The following CREBBP variants were observed in gnomAD, a reference collection of about 807,000 sequenced individuals.
CREBBP encodes the protein CREB binding lysine acetyltransferase.
CREBBP carries 19 observed loss-of-function variants against 265.0 expected under a neutral mutation model. The observed-to-expected ratio is 0.07, with a 90% CI of 0.05 to 0.11. CREBBP has a LOEUF of 0.11. CREBBP is among the 10% of genes least tolerant of loss of function. The pLI, the probability that CREBBP is intolerant of heterozygous loss-of-function variation, is 1.00. For synonymous variants in CREBBP, 1,457 were observed against 1,223.7 expected (o/e 1.19, Z -3.98); for missense variants, 2,525 against 3,219.0 (o/e 0.78, Z 5.22).
At position 3,794,265 on chromosome 16, in the gene CREBBP, G is replaced by A. The variant is rs139542638; in HGVS notation, c.976-639C>T. 0.011 allele frequency among the ~76,000 whole-genome samples: 1,641 copies of A among 145,850 alleles called. 54 individuals are homozygous for A. In the East Asian group the frequency reaches 0.12, roughly 11 times the overall value. ...GAGAATGGTGTGAACCCGGGAGGCGGAGCTTGCAGTGAGCTGAGATGGCGC... is the reference window on the plus strand; with the variant it reads ...GAGAATGGTGTGAACCCGGGAGGCGAAGCTTGCAGTGAGCTGAGATGGCGC... On this transcript the variant is annotated intron_variant, in intron 3 of 30. Transcript: ENST00000262367.
chr16:3,740,647 A>G, intron 23 of CREBBP, 98 bp from the exon 24 acceptor site: 5 of 1,384,162 alleles, frequency 3.6e-6, no homozygotes, highest in South Asian at 1.2e-5. Context: ...GCACAGGCTG[A>G]TATTTTAAAG....
chr16:3,757,448 A>C, intron 18 of CREBBP, 72 bp from the exon 19 acceptor site: 1 of 1,171,984 alleles, frequency 8.5e-7, no homozygotes. Context: ...GTTCTAGTCT[A>C]CTATAGAGAC....
Position 3,827,100 on chromosome 16 carries a change from C to T in CREBBP, c.799-16321G>A, listed in dbSNP as rs556794371. On this transcript the variant is annotated intron_variant, in intron 2 of 30. Transcript: ENST00000262367. ...AACCCAGGAATTCAAGGCTGTAGTACACTATAATTGAGCCTGTGAACGGCC... is the reference window on the plus strand; with the variant it reads ...AACCCAGGAATTCAAGGCTGTAGTATACTATAATTGAGCCTGTGAACGGCC... Among the ~76,000 whole-genome samples, 12 of 151,640 alleles carry T rather than the reference C, an allele frequency of 7.9e-5. No individual in the cohort carries two copies. In the East Asian group the frequency reaches 2.3e-3, roughly 29 times the overall value.
intron 2 of CREBBP, among the ~76,000 whole-genome samples, chr16:3,825,588 T>C (rs757973104): frequency 1.3e-5 from 2 of 151,632 alleles, no homozygotes; most frequent in Non-Finnish European, 2.9e-5. Flanking sequence ...AGTCCTCTTC[T>C]GACAAAAAAA....
intron 15 of CREBBP, 62 bp from the exon 16 acceptor site, chr16:3,767,971 A>G (rs2141184579): frequency 6.7e-7 from 1 of 1,502,300 alleles, no homozygotes; most frequent in Non-Finnish European, 9.2e-7. Context: ...CCGCAACCTC[A>G]CGGGAAGACT....
intron 1 of CREBBP, among the ~76,000 whole-genome samples, chr16:3,871,507 T>C (rs1281674857): frequency 2.0e-5 from 3 of 152,248 alleles, no homozygotes; most frequent in Non-Finnish European, 4.4e-5. Context: ...AAGCAAACCC[T>C]AATTACCTGA....
rs1488125552 is a variant in CREBBP at position 3,729,894 on chromosome 16, AC to A, written c.5173-21del. On this transcript the variant is annotated intron_variant, in intron 30 of 30. Coordinates refer to ENST00000262367, the MANE Select transcript of CREBBP (RefSeq NM_004380.3). Reference sequence around the variant, plus strand: ...GTAGTCCTGCAAGCAAGGAAAGGGGACAGGCCGGTGTCAGCATGGGACCCAG... The same window carrying A: ...GTAGTCCTGCAAGCAAGGAAAGGGGAAGGCCGGTGTCAGCATGGGACCCAG... The A allele has an allele frequency of 2.5e-6, 4 of 1,599,394 alleles. No individual in the cohort carries two copies. In the African/African-American group the frequency reaches 5.3e-5, roughly 21 times the overall value.
At chr16:3,789,309 G>C (rs975770930) in intron 5 of CREBBP, among the ~76,000 whole-genome samples, 22 of 152,216 alleles carry the variant, frequency 1.4e-4, no homozygotes, top group African/African-American at 4.8e-4. Context: ...CCCCAGTCCA[G>C]TCAAATGCAT....
At chr16:3,836,798 A>G (rs771280720) in intron 2 of CREBBP, among the ~76,000 whole-genome samples, 90 of 152,336 alleles carry the variant, frequency 5.9e-4, no homozygotes, top group Non-Finnish European at 1.2e-3. Context: ...TCAGTAAACT[A>G]CAGACCTCAT....
Position 3,728,645 on chromosome 16 carries a change from G to GTGCATGCCAGGCTGGGGT in CREBBP, c.6384_6401dup (p.Gln2128_Met2133dup), listed in dbSNP as rs772003652. 8 of 1,613,632 alleles carry GTGCATGCCAGGCTGGGGT rather than the reference G, an allele frequency of 5.0e-6. No homozygotes were observed. In the Admixed American group the frequency reaches 5.0e-5, roughly 10 times the overall value. ...TCAGGTTCTGCAGGCTGGGCTGCTGGTGCATGCCAGGCTGGGGTTGCATGC... is the reference window on the plus strand; with the variant it reads ...TCAGGTTCTGCAGGCTGGGCTGCTGGTGCATGCCAGGCTGGGGTTGCATGCCAGGCTGGGGTTGCATGC... On this transcript the variant is annotated inframe_insertion, in exon 31 of 31. Transcript: ENST00000262367. This position sits in a 1 kb window ranked among gnomAD's most constrained non-coding sequence, Gnocchi z 8.7.
chr16:3,831,457 A>C (rs565710221), intron 2 of CREBBP, among the ~76,000 whole-genome samples: 13 of 152,310 alleles, frequency 8.5e-5, no homozygotes, highest in African/African-American at 2.9e-4. Flanking sequence ...TTTATTGCCC[A>C]AATGTTAATA....
intron 20 of CREBBP, among the ~76,000 whole-genome samples, chr16:3,751,433 T>C (rs1043164681): frequency 1.3e-5 from 2 of 151,810 alleles, no homozygotes; most frequent in Non-Finnish European, 2.9e-5. Context: ...CTACAAAAAA[T>C]ACAAAAAAAT....
chr16:3,745,945 G>A (rs3025685), intron 21 of CREBBP, among the ~76,000 whole-genome samples: 3,036 of 152,294 alleles, frequency 0.02, 93 homozygotes, highest in African/African-American at 0.068. Context: ...CTGGTGAAGC[G>A]AGAGAATGGA....
intron 3 of CREBBP, 72 bp downstream of exon 3, chr16:3,810,531 G>A (rs1024470195): frequency 3.2e-6 from 5 of 1,552,632 alleles, no homozygotes; most frequent in East Asian, 2.2e-5. Context: ...CTTTCACTGT[G>A]AGAATGGTAA....
In CREBBP at chr16:3,833,610, C is replaced by G. The variant is rs186349506; in HGVS notation, c.798+16687G>C. The stretch of plus-strand genomic sequence containing the variant: ...AGTTTAGCAGGGTTACAAGATACAA[C>G]ATTAATACAGAAACATTTATTATAC... On this transcript the variant is annotated intron_variant, in intron 2 of 30. Transcript: ENST00000262367. Among the ~76,000 whole-genome samples the G allele has an allele frequency of 1.8e-4, 28 of 152,246 alleles. No homozygotes were observed. In the East Asian group the frequency reaches 3.7e-3, roughly 20 times the overall value.
At chr16:3,733,365 A>C (rs1234627706) in intron 28 of CREBBP, among the ~76,000 whole-genome samples, 1 of 151,186 alleles carries the variant, frequency 6.6e-6, no homozygotes, top group African/African-American at 2.4e-5. Flanking sequence ...CCATCTCAAA[A>C]AAAAAAAAAA....
chr16:3,728,389 C>G lies in CREBBP; in HGVS notation c.6658G>C (p.Gly2220Arg), dbSNP rs141184151. ...TGCCCCGCCATGCCCCCAGCCATGC[C>G]GGCACTCCCTTGCTGCTGCTGCTGT... is the stretch of plus-strand genomic sequence containing the variant. ...QQQQQQQGSA[G>R]MAGGMAGHGQ... Residue 2220 changes from glycine (G) to arginine (R), a missense_variant, in exon 31 of 31, where the codon GGC becomes CGC. By Grantham distance (125) the Gly-to-Arg change is moderately radical. Coordinates refer to ENST00000262367, the MANE Select transcript of CREBBP (RefSeq NM_004380.3). This position sits in a 1 kb window ranked among gnomAD's most constrained non-coding sequence, Gnocchi z 8.7. 1.2e-6 allele frequency: 2 copies of G among 1,613,476 alleles called. No homozygotes were observed. Among genetic ancestry groups the G allele is most frequent in the Non-Finnish European group, 1.7e-6 (2 of 1,179,732 alleles).
At chr16:3,732,266 C>T (rs569905314) in intron 28 of CREBBP, among the ~76,000 whole-genome samples, 7 of 152,336 alleles carry the variant, frequency 4.6e-5, no homozygotes, top group African/African-American at 7.2e-5. Context: ...GCGGAAGATT[C>T]CACGTCACAA....
intron 1 of CREBBP, among the ~76,000 whole-genome samples, chr16:3,870,699 C>T (rs567709627): frequency 6.6e-6 from 1 of 152,186 alleles, no homozygotes; most frequent in African/African-American, 2.4e-5. Flanking sequence ...CAGTGAGAAG[C>T]CTCCTGATTC....
Sources: allele counts gnomAD v4.1 joint callset (sites outside exome capture counted in the v4.1 genomes callset), GRCh38; gene constraint gnomAD v4.1.1; non-coding constraint Gnocchi (gnomAD v3.1); transcripts MANE v1.5; gene names NCBI Gene and HGNC (gene_info 2026-07-23, HGNC 2026-07-21).